Variants in SLC19A1 observed in about 807,000 individuals in gnomAD.
SLC19A1 encodes the protein reduced folate transporter.
SLC19A1 carries 37 observed loss-of-function variants against 35.3 expected under a neutral mutation model. The observed-to-expected ratio is 1.05, with a 90% CI of 0.81 to 1.38. SLC19A1 has a LOEUF of 1.38. Ranked by LOEUF, SLC19A1 falls within the 40% of genes most tolerant of loss-of-function variation. The probability of loss-of-function intolerance (pLI) is 0.00; values close to 1 mark genes in which losing one functional copy is unlikely to be tolerated. For missense variants in SLC19A1, 831 were observed against 826.9 expected (o/e 1.00, Z -0.06); for synonymous variants, 460 against 398.5 (o/e 1.15, Z -1.84).
chr21:45,549,125 A>G (rs2078441022), upstream of SLC19A1, among the ~76,000 whole-genome samples: 1 of 152,230 alleles, frequency 6.6e-6, no homozygotes, highest in African/African-American at 2.4e-5. Context: ...AAAACTGGCA[A>G]CAACCCGAAT....
chr21:45,542,521 C>T (rs888888434), upstream of SLC19A1: 2 of 150,924 alleles, frequency 1.3e-5, no homozygotes, highest in Non-Finnish European at 3.0e-5. Flanking sequence ...GGCGGGGCCT[C>T]GCGCGTGGCC....
At chr21:45,510,072 G>T, downstream of SLC19A1, 2 of 1,571,868 alleles carry the variant, frequency 1.3e-6, no homozygotes, top group Non-Finnish European at 1.7e-6. Context: ...AGCTCCACCT[G>T]GTTGCGCTCA....
downstream of SLC19A1, chr21:45,509,392 C>T (rs2037437436): frequency 1.3e-6 from 2 of 1,541,890 alleles, no homozygotes; most frequent in African/African-American, 1.4e-5. Flanking sequence ...CCCCGTGGTG[C>T]AGCTGCACGA....
chr21:45,556,696 A>G (rs1169207758), intron 1 of SLC19A1, among the ~76,000 whole-genome samples: 1 of 152,250 alleles, frequency 6.6e-6, no homozygotes, highest in Non-Finnish European at 1.5e-5. Context: ...TGCCACAGAC[A>G]GGACAGAACA....
chr21:45,505,541 G>A, intron 3 of SLC19A1: 1 of 721,522 alleles, frequency 1.4e-6, no homozygotes, highest in East Asian at 2.7e-5. Flanking sequence ...AGATATACAG[G>A]AGGCCAAGAT....
chr21:45,561,489 G>A (rs1328662662), intron 1 of SLC19A1, among the ~76,000 whole-genome samples: 3 of 152,150 alleles, frequency 2.0e-5, no homozygotes, highest in Non-Finnish European at 2.9e-5. Context: ...GGCCGGGCGC[G>A]GTGGCTCATG....
intron 1 of SLC19A1, among the ~76,000 whole-genome samples, chr21:45,559,408 T>C (rs1324927541): frequency 6.6e-6 from 1 of 151,916 alleles, no homozygotes; most frequent in Non-Finnish European, 1.5e-5. Context: ...TGGCCAGGGG[T>C]GTGGGCGAGT....
chr21:45,561,350 C>T (rs2078613181), intron 1 of SLC19A1, among the ~76,000 whole-genome samples: 1 of 152,198 alleles, frequency 6.6e-6, no homozygotes, highest in South Asian at 2.1e-4. Context: ...CAAGTTAGAA[C>T]ATGTTGCGTT....
At chr21:45,529,468 C>G (rs373974406) in intron 4 of SLC19A1, among the ~76,000 whole-genome samples, 4 of 152,238 alleles carry the variant, frequency 2.6e-5, no homozygotes, top group African/African-American at 4.8e-5. Context: ...GTCCTCCCAG[C>G]GGGCAGGAAA....
rs150317595 is a variant in SLC19A1 at position 45,531,990 on chromosome 21, C to T, written c.348G>A (p.Val116=). ...VWLLLLLGHS[V]AHMQLMELFY... is the part of the protein sequence containing the mutation. ...AGAGCTCCATGAGCTGCATGTGCGC[C>T]ACCGAGTGGCCCAGCAGCAGCAGCA... The change falls in exon 3 of 6, where the codon GTG becomes GTA. Residue 116 remains valine (V), a synonymous_variant. Coordinates refer to ENST00000311124, the MANE Select transcript of SLC19A1 (RefSeq NM_194255.4). The T allele has an allele frequency of 1.9e-6, 3 of 1,610,180 alleles. No individual in the cohort carries two copies. The highest frequency in any genetic ancestry group is 2.5e-6 in the Non-Finnish European group (3 of 1,179,636).
At position 45,554,916 on chromosome 21, in the gene SLC19A1, C is replaced by G. The variant is rs576169724; in HGVS notation, c.-50+7826G>C. Among the ~76,000 whole-genome samples the G allele has an allele frequency of 4.6e-5, 7 of 151,938 alleles. No individual in the cohort carries two copies. The East Asian group carries it at 6.1e-4, about 13-fold the overall frequency. On this transcript the variant is annotated intron_variant, in intron 1 of 5. Coordinates refer to the SLC19A1 transcript ENST00000650808. ...TCAGTGGCGAGGCCCCTCGCCTTCT[C>G]CCCAGAAGCAGCCCCTTTGACGACA...
At chr21:45,561,592 C>T (rs1295475283) in intron 1 of SLC19A1, among the ~76,000 whole-genome samples, 1 of 151,988 alleles carries the variant, frequency 6.6e-6, no homozygotes, top group Non-Finnish European at 1.5e-5. Context: ...GAAACCCTGT[C>T]TCTACTAAAA....
downstream of SLC19A1, chr21:45,511,090 T>G (rs9975166): frequency 2.6e-6 from 3 of 1,172,024 alleles, no homozygotes; most frequent in African/African-American, 5.1e-5. Flanking sequence ...CACACACACA[T>G]ACACACGGTT....
In SLC19A1 at chr21:45,505,063, C is replaced by T. The variant is rs13048249; in HGVS notation, c.498-6451G>A. ...GCCAAGGGGGTCTTGGCAGCTGCAG[C>T]CCCACAAGCTTGCCCGCCCCCAGTC... On this transcript the variant is annotated intron_variant, in intron 3 of 4. Coordinates refer to the SLC19A1 transcript ENST00000417954. 0.092 allele frequency: 144,195 copies of T among 1,561,424 alleles called. 7,280 individuals carry two copies. The highest frequency in any genetic ancestry group is 0.17 in the African/African-American group (12,625 of 73,870).
At chr21:45,503,346 T>G (rs2036968158) in intron 3 of SLC19A1, among the ~76,000 whole-genome samples, 1 of 152,194 alleles carries the variant, frequency 6.6e-6, no homozygotes, top group Non-Finnish European at 1.5e-5. Context: ...TTTTCATGTG[T>G]TTTTTGGCTG....
Position 45,555,995 on chromosome 21 carries a change from G to A in SLC19A1, c.-50+6747C>T, listed in dbSNP as rs1569032926. ...ACCACGGGACAGACGATCCTCTGAG[G>A]TTTCCAGGAAGACCCCCGCCCTAAT... On this transcript the variant is annotated intron_variant, in intron 1 of 5. Transcript: ENST00000650808. Among the ~76,000 whole-genome samples the A allele has an allele frequency of 2.6e-5, 4 of 152,206 alleles. No individual in the cohort carries two copies. The South Asian group carries it at 8.3e-4, about 31-fold the overall frequency.
At chr21:45,537,729 C>T (rs2078170488) in intron 2 of SLC19A1, 42 bp downstream of exon 2, 2 of 580,244 alleles carry the variant, frequency 3.4e-6, no homozygotes, top group Non-Finnish European at 4.9e-6. Context: ...TCCCCGCCCA[C>T]CCACCCACAG....
chr21:45,516,039 C>T lies in SLC19A1; in HGVS notation c.1395G>A (p.Arg465=). 1 of 1,581,406 alleles carries T rather than the reference C, an allele frequency of 6.3e-7. No homozygotes were observed. Among genetic ancestry groups the T allele is most frequent in the Non-Finnish European group, 8.6e-7 (1 of 1,165,436 alleles). Residue 465 remains arginine, a synonymous_variant, in exon 6 of 6, where the codon CGG becomes CGA. Transcript: ENST00000311124. ...TCCTCAGGCCCTGGGCCGGGGGCTG[C>T]CGCGGGTGGTGGCCCCGCTGGCAGT... ...LRHCQRGHHP[R]QPPAQGLRSA... is the part of the protein sequence containing the mutation.
chr21:45,511,149 A>T, downstream of SLC19A1: 1 of 1,595,308 alleles, frequency 6.3e-7, no homozygotes, highest in South Asian at 1.1e-5. Flanking sequence ...CTCTGTTCTC[A>T]GGCTCTGAGG....
Sources: gnomAD v4.1 joint callset for allele counts (sites outside exome capture counted in the v4.1 genomes callset) on GRCh38, gnomAD v4.1.1 for gene constraint, MANE v1.5 for transcripts, NCBI Gene and HGNC (gene_info 2026-07-23, HGNC 2026-07-21) for gene names.